Variants in WDPCP observed in about 807,000 individuals in gnomAD.
WDPCP encodes the protein WD repeat containing planar cell polarity effector, also known as WD repeat-containing and planar cell polarity effector protein fritz homolog.
A neutral mutation model predicts 93.1 loss-of-function variants in WDPCP; 71 were observed. The observed-to-expected ratio is 0.76, with a 90% CI of 0.63 to 0.93. The LOEUF is 0.93. WDPCP is among the 40% of genes least tolerant of loss of function. The probability of loss-of-function intolerance (pLI) is 0.00; values close to 1 mark genes in which losing one functional copy is unlikely to be tolerated. For synonymous variants in WDPCP, 315 were observed against 315.0 expected, an observed-to-expected ratio of 1.00 and a Z score of 0.00; for missense variants, 844 against 887.4, an observed-to-expected ratio of 0.95 and a Z score of 0.62.
At chr2:63,384,252 G>T (rs948513074) in intron 10 of WDPCP, among the ~76,000 whole-genome samples, 1 of 152,038 alleles carries the variant, frequency 6.6e-6, no homozygotes, top group African/African-American at 2.4e-5. Context: ...CAGTAAAATT[G>T]ACAAACTTCT....
chr2:63,139,493 AT>A (rs995617885), intron 17 of WDPCP, among the ~76,000 whole-genome samples: 2 of 151,776 alleles, frequency 1.3e-5, no homozygotes, highest in East Asian at 3.9e-4. Context: ...CTACTGTTTG[AT>A]TTTTTTTATT....
At chr2:63,211,588 C>T (rs1676807383) in intron 14 of WDPCP, among the ~76,000 whole-genome samples, 1 of 152,184 alleles carries the variant, frequency 6.6e-6, no homozygotes, top group South Asian at 2.1e-4. Flanking sequence ...TCCTTGCCAG[C>T]AACAGAACAA....
intron 10 of WDPCP, among the ~76,000 whole-genome samples, chr2:63,385,868 T>C (rs1353312579): frequency 6.6e-6 from 1 of 152,062 alleles, no homozygotes. Flanking sequence ...AGCCACTTAC[T>C]GTAAAGCCAC....
chr2:63,787,036 T>A (rs2103990396), intron 2 of WDPCP, among the ~76,000 whole-genome samples: 1 of 152,314 alleles, frequency 6.6e-6, no homozygotes, highest in Non-Finnish European at 1.5e-5. Context: ...TCGTTGATCA[T>A]GACAATTCTA....
At chr2:63,523,980 TGA>T (rs1385108002) in intron 1 of WDPCP, among the ~76,000 whole-genome samples, 1 of 152,030 alleles carries the variant, frequency 6.6e-6, no homozygotes, top group African/African-American at 2.4e-5. Flanking sequence ...ACATCCAACC[TGA>T]GAGCCAAATC....
chr2:63,319,469 T>G (rs1686922225), intron 12 of WDPCP, among the ~76,000 whole-genome samples: 1 of 152,222 alleles, frequency 6.6e-6, no homozygotes, highest in African/African-American at 2.4e-5. Context: ...TTTTTGCTAG[T>G]CTAAGCATTG....
At chr2:63,315,456 CA>C (rs1686562785) in intron 12 of WDPCP, among the ~76,000 whole-genome samples, 1 of 151,964 alleles carries the variant, frequency 6.6e-6, no homozygotes, top group Admixed American at 6.6e-5. Flanking sequence ...GATTTTTTAA[CA>C]TAAAATTAAC....
chr2:63,581,391 T>C (rs915159858), intron 1 of WDPCP, among the ~76,000 whole-genome samples: 2 of 152,154 alleles, frequency 1.3e-5, no homozygotes, highest in Non-Finnish European at 2.9e-5. Context: ...TCACAGCACA[T>C]GCATATGATC....
At chr2:63,328,211 C>T (rs1367503568) in intron 12 of WDPCP, among the ~76,000 whole-genome samples, 5 of 26,524 alleles carry the variant, frequency 1.9e-4, no homozygotes, top group African/African-American at 1.7e-3. Context: ...CCCGTCAGCT[C>T]TCTGTAAAAT....
intron 3 of WDPCP, among the ~76,000 whole-genome samples, chr2:63,616,542 G>A (rs1709674820): frequency 6.6e-6 from 1 of 152,052 alleles, no homozygotes; most frequent in South Asian, 2.1e-4. Flanking sequence ...TTACTCTATA[G>A]CATAAAATAA....
At chr2:63,470,951 C>G (rs1055973844) in intron 6 of WDPCP, among the ~76,000 whole-genome samples, 5 of 152,076 alleles carry the variant, frequency 3.3e-5, no homozygotes, top group African/African-American at 4.8e-5. Flanking sequence ...GGTTTACTCC[C>G]TCACTTCCTT....
chr2:63,641,077 T>C (rs1709974817), intron 3 of WDPCP, among the ~76,000 whole-genome samples: 1 of 152,220 alleles, frequency 6.6e-6, no homozygotes, highest in Non-Finnish European at 1.5e-5. Flanking sequence ...GATGGTTGTC[T>C]TTCTGTGCCT....
chr2:63,563,707 C>T lies in WDPCP; in HGVS notation c.75+24490G>A, dbSNP rs142402741. Among the ~76,000 whole-genome samples, 106 of 152,118 alleles carry T rather than the reference C, an allele frequency of 7.0e-4. 1 individual carries two copies. The highest frequency in any genetic ancestry group is 1.3e-3 in the Non-Finnish European group (85 of 67,990). ...TTAAATTGAGGTCATAAGGGTAGAT[C>T]CCTAGTGCAAAAGGACTGTGGCCTT... On this transcript the variant is annotated intron_variant, in intron 1 of 17. Coordinates refer to ENST00000272321, the MANE Select transcript of WDPCP (RefSeq NM_015910.7).
rs549519146 is a variant in WDPCP, at chr2:63,282,923, C to A, written c.1813-23514G>T. 1.1e-4 allele frequency among the ~76,000 whole-genome samples: 17 copies of A among 152,294 alleles called. No homozygotes were observed. In the East Asian group the frequency reaches 3.3e-3, roughly 29 times the overall value. Reference sequence around the variant, plus strand: ...AATCATCTCTTGATTACTTATAACACTTACTATAATTCCTACACATTATTT... The same window carrying A: ...AATCATCTCTTGATTACTTATAACAATTACTATAATTCCTACACATTATTT... On this transcript the variant is annotated intron_variant, in intron 13 of 17. Transcript: ENST00000272321.
intron 3 of WDPCP, chr2:63,642,695 T>TTG (rs1475073233): frequency 6.6e-6 from 1 of 152,136 alleles, no homozygotes; most frequent in East Asian, 1.9e-4. Flanking sequence ...GTAACAGTTT[T>TTG]TGTGTGCATA....
At chr2:63,366,209 C>A (rs918233982) in intron 12 of WDPCP, among the ~76,000 whole-genome samples, 10 of 152,234 alleles carry the variant, frequency 6.6e-5, no homozygotes, top group African/African-American at 2.2e-4. Flanking sequence ...CAATGAAGGG[C>A]AGCATCACCT....
chr2:63,808,283 C>G (rs1301176182), intron 2 of WDPCP, among the ~76,000 whole-genome samples: 1 of 150,894 alleles, frequency 6.6e-6, no homozygotes, highest in African/African-American at 2.4e-5. Flanking sequence ...AAATTAATTC[C>G]TTCGCTCCCT....
At chr2:63,168,465 A>G (rs374023124) in intron 15 of WDPCP, 2 of 152,222 alleles carry the variant, frequency 1.3e-5, no homozygotes, top group African/African-American at 4.8e-5. Context: ...TTTATGAGCA[A>G]ATTGAATCTT....
intron 3 of WDPCP, among the ~76,000 whole-genome samples, 193 bp from the exon 4 acceptor site, chr2:63,486,779 A>C (rs1222778585): frequency 6.6e-6 from 1 of 151,994 alleles, no homozygotes; most frequent in Non-Finnish European, 1.5e-5. Context: ...TTTTCATTTC[A>C]TAGAGATATT....
Sources: allele counts gnomAD v4.1 joint callset (sites outside exome capture counted in the v4.1 genomes callset), GRCh38; gene constraint gnomAD v4.1.1; transcripts MANE v1.5; gene names NCBI Gene and HGNC (gene_info 2026-07-23, HGNC 2026-07-21).